The following ABR variants were observed in gnomAD, a reference collection of about 807,000 sequenced individuals.
ABR encodes the protein ABR activator of RhoGEF and GTPase.
ABR carries 35 observed loss-of-function variants against 107.2 expected under a neutral mutation model. The observed-to-expected ratio is 0.33, with a 90% CI of 0.25 to 0.43. The LOEUF (loss-of-function observed/expected upper bound fraction) is 0.43, where lower values mean the gene tolerates loss of function less well. Ranked by LOEUF, ABR falls within the 20% of genes least tolerant of loss-of-function variation. ABR has a pLI of 1.00. For synonymous variants in ABR, 498 were observed against 462.0 expected (o/e 1.08, Z -1.00); for missense variants, 815 against 1,115.2 (o/e 0.73, Z 3.83).
At position 1,011,451 on chromosome 17, in the gene ABR, C is replaced by T. The variant is rs189322279; in HGVS notation, c.2101+395G>A. 125 of 170,504 alleles carry T rather than the reference C, an allele frequency of 7.3e-4. No individual in the cohort carries two copies. The highest frequency in any genetic ancestry group is 3.0e-3 in the Middle Eastern group (1 of 336). 10.6% of individuals were successfully genotyped at this position (170,504 alleles called of 1,614,324 possible). On this transcript the variant is annotated intron_variant, in intron 19 of 22. Transcript: ENST00000302538. This position sits in a 1 kb window ranked among gnomAD's most constrained non-coding sequence, Gnocchi z 4.8. The stretch of plus-strand genomic sequence containing the variant: ...TCAGGCCTCACCATGGTGGGCTTCA[C>T]GCAGAGGCAGCACTGCCCCAGAGGG...
upstream of ABR, among the ~76,000 whole-genome samples, chr17:1,181,596 G>T (rs1051733354): frequency 6.6e-6 from 1 of 152,166 alleles, no homozygotes; most frequent in Non-Finnish European, 1.5e-5. Flanking sequence ...CAGGGAGGGG[G>T]CGTGCATCTC....
chr17:1,017,958 C>T (rs1029433801), intron 16 of ABR, among the ~76,000 whole-genome samples: 3 of 151,860 alleles, frequency 2.0e-5, no homozygotes, highest in African/African-American at 7.3e-5. Context: ...TGCTATGTTG[C>T]CCTGGGCTTC....
At chr17:1,036,435 G>A (rs991889937) in intron 16 of ABR, among the ~76,000 whole-genome samples, 2 of 152,176 alleles carry the variant, frequency 1.3e-5, no homozygotes, top group Non-Finnish European at 2.9e-5. Context: ...GGGCATCAGA[G>A]GACCAGAGCT....
At chr17:1,166,317 G>A (rs2041505596) in intron 1 of ABR, among the ~76,000 whole-genome samples, 1 of 152,026 alleles carries the variant, frequency 6.6e-6, no homozygotes, top group South Asian at 2.1e-4. Flanking sequence ...TCTAGGTCCA[G>A]TGCCCAGTCC....
intron 1 of ABR, among the ~76,000 whole-genome samples, chr17:1,185,891 A>G (rs918117718): frequency 2.0e-5 from 3 of 151,648 alleles, no homozygotes; most frequent in Non-Finnish European, 2.9e-5. Flanking sequence ...GCTGGAGTGC[A>G]GTGGCAGGAT....
intron 1 of ABR, among the ~76,000 whole-genome samples, chr17:1,134,927 CA>C (rs1358776929): frequency 6.6e-5 from 10 of 152,262 alleles, no homozygotes. Flanking sequence ...GACACAGGAT[CA>C]AGTGCACGGG....
At chr17:1,174,351 G>A (rs549466291) in intron 1 of ABR, among the ~76,000 whole-genome samples, 3 of 152,176 alleles carry the variant, frequency 2.0e-5, no homozygotes, top group Non-Finnish European at 4.4e-5. Flanking sequence ...GCCAGCAGGC[G>A]CTCACTAGCA....
At chr17:1,088,208 G>A (rs986357873) in intron 4 of ABR, among the ~76,000 whole-genome samples, 2 of 152,068 alleles carry the variant, frequency 1.3e-5, no homozygotes, top group African/African-American at 2.4e-5. Flanking sequence ...GACCAGAACC[G>A]GGGACAGCCA....
At chr17:1,065,658 C>T (rs2034639744) in intron 10 of ABR, among the ~76,000 whole-genome samples, 1 of 152,052 alleles carries the variant, frequency 6.6e-6, no homozygotes, top group Admixed American at 6.6e-5. Flanking sequence ...CACTCATTTC[C>T]AGACAGCACT....
intron 21 of ABR, 53 bp from the exon 22 acceptor site, chr17:1,007,365 A>C: frequency 3.7e-6 from 6 of 1,607,196 alleles, no homozygotes; most frequent in Non-Finnish European, 5.1e-6. Flanking sequence ...AGCCACTCGG[A>C]GCTCCAGGAC....
intron 1 of ABR, among the ~76,000 whole-genome samples, chr17:1,159,588 CGGT>C (rs2041197529): frequency 4.4e-5 from 2 of 45,940 alleles, no homozygotes; most frequent in African/African-American, 1.3e-4. Flanking sequence ...AGTAAGAATG[CGGT>C]ACTCACACAC....
At chr17:1,101,982 C>G (rs2037924786) in intron 2 of ABR, among the ~76,000 whole-genome samples, 3 of 152,140 alleles carry the variant, frequency 2.0e-5, no homozygotes, top group South Asian at 2.1e-4. Context: ...ATCCGCCCGC[C>G]TTGGCCTCCC....
At chr17:1,158,075 CCT>C (rs1259040488) in intron 1 of ABR, among the ~76,000 whole-genome samples, 2 of 152,060 alleles carry the variant, frequency 1.3e-5, no homozygotes, top group Non-Finnish European at 2.9e-5. Flanking sequence ...CGTGACCACC[CCT>C]GAGTAAGCCG....
At chr17:1,126,691 C>T in intron 1 of ABR, 1 of 152,580 alleles carries the variant, frequency 6.6e-6, no homozygotes, top group Non-Finnish European at 1.5e-5. Flanking sequence ...GCCTGCCCTG[C>T]CATCTGCCCA....
At chr17:1,108,748 C>T (rs888320278) in intron 2 of ABR, among the ~76,000 whole-genome samples, 5 of 152,172 alleles carry the variant, frequency 3.3e-5, no homozygotes, top group Admixed American at 1.3e-4. Context: ...CACCACTGCC[C>T]CGAGGACACC....
rs141323859 is a variant in ABR, at chr17:1,107,553, G to A, written c.247-6818C>T. Among the ~76,000 whole-genome samples the A allele has an allele frequency of 2.8e-3, 432 of 152,336 alleles. 3 individuals are homozygous for A. Among genetic ancestry groups the A allele is most frequent in the African/African-American group, 0.01 (418 of 41,580 alleles). ...GAGGTCCAGGAGGCAGCCTCTGAGT[G>A]GGCCCACATCTGTGCTGGGGGCTTC... On this transcript the variant is annotated intron_variant, in intron 2 of 22. Coordinates refer to ENST00000302538, the MANE Select transcript of ABR (RefSeq NM_021962.5).
intron 1 of ABR, among the ~76,000 whole-genome samples, chr17:1,168,071 G>T (rs966563500): frequency 2.6e-5 from 4 of 152,158 alleles, no homozygotes; most frequent in African/African-American, 9.6e-5. Context: ...CAGATAACCT[G>T]AGGTCGGGAG....
At chr17:1,042,165 G>C (rs910259257) in intron 16 of ABR, among the ~76,000 whole-genome samples, 4 of 145,776 alleles carry the variant, frequency 2.7e-5, no homozygotes, top group Non-Finnish European at 6.2e-5. Flanking sequence ...AATGTGCACG[G>C]ATGGACGGAC....
chr17:1,209,367 C>T (rs1449476726), intron 1 of ABR, among the ~76,000 whole-genome samples: 1 of 150,450 alleles, frequency 6.6e-6, no homozygotes, highest in African/African-American at 2.5e-5. Context: ...ACCTCCACCT[C>T]CTGGGTTCAA....
Sources: allele counts gnomAD v4.1 joint callset (sites outside exome capture counted in the v4.1 genomes callset), GRCh38; gene constraint gnomAD v4.1.1; non-coding constraint Gnocchi (gnomAD v3.1); transcripts MANE v1.5; gene names NCBI Gene and HGNC (gene_info 2026-07-23, HGNC 2026-07-21).